The following ZRANB3 variants were observed in gnomAD, a reference collection of about 807,000 sequenced individuals.
ZRANB3 encodes the protein DNA annealing helicase and endonuclease ZRANB3.
In ZRANB3, 125 loss-of-function variants were observed where a neutral mutation model predicts 133.8. The ratio of observed to expected loss-of-function variants is 0.93; its 90% CI spans 0.81 to 1.08. The LOEUF (loss-of-function observed/expected upper bound fraction) is 1.08, where lower values mean the gene tolerates loss of function less well. Among genes scored for constraint, ZRANB3 ranks in the 50% least tolerant of loss-of-function variants. The probability of loss-of-function intolerance (pLI) is 0.00; values close to 1 mark genes in which losing one functional copy is unlikely to be tolerated. For missense variants in ZRANB3, 1,229 were observed against 1,275.5 expected, an observed-to-expected ratio of 0.96 and a Z score of 0.56; for synonymous variants, 387 against 432.7, an observed-to-expected ratio of 0.89 and a Z score of 1.31.
intron 2 of ZRANB3, among the ~76,000 whole-genome samples, chr2:135,423,297 G>T (rs1407410328): frequency 6.6e-6 from 1 of 152,120 alleles, no homozygotes; most frequent in Non-Finnish European, 1.5e-5. Flanking sequence ...AGCCGGATGT[G>T]CTGGCAGGTG....
intron 2 of ZRANB3, among the ~76,000 whole-genome samples, chr2:135,445,468 A>C (rs7561365): frequency 0.1 from 15,770 of 152,030 alleles, 1,082 homozygotes; most frequent in South Asian, 0.32. Flanking sequence ...AAAGGGGAAA[A>C]TAGTGTGCTT....
intron 2 of ZRANB3, among the ~76,000 whole-genome samples, chr2:135,466,912 G>T (rs951923889): frequency 1.3e-5 from 2 of 152,042 alleles, no homozygotes; most frequent in African/African-American, 4.8e-5. Context: ...ACCTCCAATG[G>T]CCTCCCATAG....
chr2:135,424,306 C>A (rs1688981860), intron 2 of ZRANB3, among the ~76,000 whole-genome samples: 1 of 151,598 alleles, frequency 6.6e-6, no homozygotes, highest in Non-Finnish European at 1.5e-5. Flanking sequence ...AAAAGATGAG[C>A]TCAAAAAGAG....
Position 135,200,434 on chromosome 2 carries a change from C to CTAAGGAAAGTTA in ZRANB3, c.3147_3148insTAACTTTCCTTA (p.Thr1049_Ala1050insTer). 6.3e-7 allele frequency: 1 copy of CTAAGGAAAGTTA among 1,599,138 alleles called. No individual in the cohort carries two copies. The highest frequency in any genetic ancestry group is 1.1e-5 in the South Asian group (1 of 88,452). On this transcript the variant is annotated stop_gained and inframe_insertion, in exon 21 of 21. Transcript: ENST00000264159. LOFTEE classifies it high-confidence loss of function. Reference sequence around the variant, plus strand: ...TGGCTTCTTTCCTTAGCTTGTCTGGCAGTTCTCTAAAAGTTAAAAAATATG... The same window carrying CTAAGGAAAGTTA: ...TGGCTTCTTTCCTTAGCTTGTCTGGCTAAGGAAAGTTAAGTTCTCTAAAAGTTAAAAAATATG...
In ZRANB3 at chr2:135,200,438, T is replaced by C. The variant is rs749658299; in HGVS notation, c.3144A>G (p.Arg1048=). 3 of 1,595,916 alleles carry C rather than the reference T, an allele frequency of 1.9e-6. No individual in the cohort carries two copies. The highest frequency in any genetic ancestry group is 2.6e-6 in the Non-Finnish European group (3 of 1,170,090). Residue 1048 remains arginine (R), a splice_region_variant and synonymous_variant, in exon 21 of 21, where the codon AGA becomes AGG. Transcript: ENST00000264159. ...QTLCTVCHKE[R]TARQAKERSQ... is the part of the protein sequence containing the mutation. Reference sequence around the variant, plus strand: ...TTCTTTCCTTAGCTTGTCTGGCAGTTCTCTAAAAGTTAAAAAATATGCATG... The same window carrying C: ...TTCTTTCCTTAGCTTGTCTGGCAGTCCTCTAAAAGTTAAAAAATATGCATG...
chr2:135,527,671 G>A (rs560509900), intron 1 of ZRANB3, among the ~76,000 whole-genome samples: 1 of 152,316 alleles, frequency 6.6e-6, no homozygotes, highest in South Asian at 2.1e-4. Context: ...AATTGGTTAT[G>A]CTAGAGCTAT....
intron 2 of ZRANB3, among the ~76,000 whole-genome samples, chr2:135,410,208 A>C (rs1688240436): frequency 6.6e-6 from 1 of 152,192 alleles, no homozygotes; most frequent in African/African-American, 2.4e-5. Context: ...ACAAAGCTGG[A>C]GGCATCACAC....
At chr2:135,216,132 C>G (rs886998734) in intron 17 of ZRANB3, among the ~76,000 whole-genome samples, 1 of 151,056 alleles carries the variant, frequency 6.6e-6, no homozygotes, top group African/African-American at 2.4e-5. Flanking sequence ...CAATTTATCA[C>G]AAGTATTATT....
At chr2:135,440,476 T>A (rs1689731968) in intron 2 of ZRANB3, among the ~76,000 whole-genome samples, 1 of 151,800 alleles carries the variant, frequency 6.6e-6, no homozygotes, top group Non-Finnish European at 1.5e-5. Context: ...TGCTCAACAG[T>A]CAACTGTGCA....
chr2:135,266,532 T>A (rs1209684644), intron 11 of ZRANB3, among the ~76,000 whole-genome samples: 1 of 151,822 alleles, frequency 6.6e-6, no homozygotes, highest in Non-Finnish European at 1.5e-5. Flanking sequence ...TTTGGGAGGC[T>A]GAGGTGGGCG....
intron 1 of ZRANB3, among the ~76,000 whole-genome samples, chr2:135,513,582 A>G (rs1458310745): frequency 6.6e-6 from 1 of 152,210 alleles, no homozygotes; most frequent in East Asian, 1.9e-4. Flanking sequence ...AGATTAAAAC[A>G]TAACAGTTAA....
Position 135,332,896 on chromosome 2 carries a change from T to C in ZRANB3, c.677+12654A>G, listed in dbSNP as rs925526601. Among the ~76,000 whole-genome samples, 5 of 152,190 alleles carry C rather than the reference T, an allele frequency of 3.3e-5. No individual in the cohort carries two copies. In the East Asian group the frequency reaches 9.6e-4, roughly 29 times the overall value. On this transcript the variant is annotated intron_variant, in intron 6 of 20. Transcript: ENST00000264159. Reference sequence around the variant, plus strand: ...CATACATTACCTTTGTTCTTATAAATATAGTTTAAGTTCCCTTGTCCCACA... The same window carrying C: ...CATACATTACCTTTGTTCTTATAAACATAGTTTAAGTTCCCTTGTCCCACA...
At chr2:135,266,075 G>A (rs944165923) in intron 11 of ZRANB3, among the ~76,000 whole-genome samples, 1 of 152,130 alleles carries the variant, frequency 6.6e-6, no homozygotes, top group Non-Finnish European at 1.5e-5. Flanking sequence ...CGGGCGTGGT[G>A]GCAGGCGCCT....
chr2:135,226,397 T>C (rs1694762682), intron 14 of ZRANB3, among the ~76,000 whole-genome samples: 1 of 152,162 alleles, frequency 6.6e-6, no homozygotes, highest in Non-Finnish European at 1.5e-5. Context: ...GTGCCTACTT[T>C]GTTTTCTGTT....
chr2:135,212,699 A>G (rs1042183019), intron 17 of ZRANB3, among the ~76,000 whole-genome samples: 1 of 152,204 alleles, frequency 6.6e-6, no homozygotes, highest in African/African-American at 2.4e-5. Flanking sequence ...TAGTAAATAG[A>G]GAAGGGAGAA....
chr2:135,392,735 G>C (rs1687298601), intron 2 of ZRANB3, among the ~76,000 whole-genome samples: 1 of 152,122 alleles, frequency 6.6e-6, no homozygotes, highest in Admixed American at 6.5e-5. Flanking sequence ...GCAACAGAGT[G>C]AGACTCCGTC....
intron 11 of ZRANB3, among the ~76,000 whole-genome samples, chr2:135,268,158 CT>C (rs370165216): frequency 1.7e-4 from 25 of 149,504 alleles, no homozygotes; most frequent in East Asian, 5.9e-4. Context: ...TAATCTAACC[CT>C]TTTTTTTTTC....
chr2:135,345,302 T>C (rs769349999), intron 6 of ZRANB3: 73 of 322,364 alleles, frequency 2.3e-4, no homozygotes, highest in Middle Eastern at 1.0e-3. Flanking sequence ...CCCATCTCTA[T>C]TAAAAATACA....
intron 2 of ZRANB3, among the ~76,000 whole-genome samples, chr2:135,440,008 T>A (rs1689711363): frequency 6.6e-6 from 1 of 152,154 alleles, no homozygotes; most frequent in South Asian, 2.1e-4. Flanking sequence ...TAATTCTAAT[T>A]AAAAAATCAA....
Sources: allele counts gnomAD v4.1 joint callset (sites outside exome capture counted in the v4.1 genomes callset), GRCh38; gene constraint gnomAD v4.1.1; transcripts MANE v1.5; gene names NCBI Gene and HGNC (gene_info 2026-07-23, HGNC 2026-07-21).